NBDY: variants seen among roughly 807,000 people sequenced by gnomAD.
The protein encoded by NBDY is negative regulator of P-body association.
intron 2 of NBDY, among the ~76,000 whole-genome samples, chrX:56,806,617 T>C (rs1476321373): frequency 8.9e-6 from 1 of 112,550 alleles, no homozygotes; most frequent in East Asian, 2.8e-4. Flanking sequence ...AAATGTCTTC[T>C]CTTGAGAAGT....
chrX:56,811,514 C>T (rs1477690478), intron 2 of NBDY, among the ~76,000 whole-genome samples: 1 of 111,895 alleles, frequency 8.9e-6, no homozygotes, highest in Non-Finnish European at 1.9e-5. Context: ...CTGCGGTGGG[C>T]TCCACCCAGT....
At chrX:56,793,741 A>G (rs758029580) in intron 2 of NBDY, among the ~76,000 whole-genome samples, 22 of 110,871 alleles carry the variant, frequency 2.0e-4, no homozygotes, top group Non-Finnish European at 3.8e-4. Flanking sequence ...GCCTGGGCTC[A>G]TTCTTAGGAT....
intron 2 of NBDY, chrX:56,737,427 G>T: frequency 1.5e-6 from 1 of 653,659 alleles, no homozygotes. Flanking sequence ...TTCTCAGGAA[G>T]CCTTCTTATG....
chrX:56,747,822 A>G (rs1485927402), intron 2 of NBDY, among the ~76,000 whole-genome samples: 1 of 111,776 alleles, frequency 8.9e-6, no homozygotes, highest in Non-Finnish European at 1.9e-5. Flanking sequence ...AGCACAGATC[A>G]GTGAATTTGA....
rs1167779864 is a variant in NBDY, at chrX:56,818,816, G to A, written c.*1663G>A. The A allele has an allele frequency of 9.0e-6, 1 of 111,019 alleles. No individual in the cohort carries two copies. Among genetic ancestry groups the A allele is most frequent in the African/African-American group, 3.3e-5 (1 of 30,575 alleles). The allele number at this position is 111,019 out of a possible 1,213,427, so 9.1% of individuals were successfully genotyped here. A position where few individuals can be genotyped will look rare whatever the true frequency, so the allele number is the denominator to read the frequency against. ...AAAGCTACAATAAACAAGTCTATGT[G>A]GTACTGGCATAGGATATAAATATTG... On this transcript the variant is annotated 3_prime_UTR_variant, in exon 3 of 3. Coordinates refer to ENST00000374922, the MANE Select transcript of NBDY (RefSeq NM_001348129.2).
chrX:56,744,174 T>C (rs1189523046), intron 2 of NBDY, among the ~76,000 whole-genome samples: 1 of 111,750 alleles, frequency 8.9e-6, no homozygotes, highest in East Asian at 2.8e-4. Flanking sequence ...TGGTCAAAGA[T>C]GCTTCATATT....
At chrX:56,810,419 C>A (rs144311563) in intron 2 of NBDY, among the ~76,000 whole-genome samples, 29 of 110,656 alleles carry the variant, frequency 2.6e-4, no homozygotes, top group African/African-American at 9.2e-4. Context: ...CCACATAGTC[C>A]CATATTTCTT....
chrX:56,740,957 C>T (rs895697842), intron 2 of NBDY, among the ~76,000 whole-genome samples: 26 of 110,430 alleles, frequency 2.4e-4, no homozygotes, highest in African/African-American at 8.6e-4. Context: ...TTTTTGTATA[C>T]CCGTTAACCA....
chrX:56,802,252 A>G (rs2069827040), intron 2 of NBDY, among the ~76,000 whole-genome samples: 1 of 112,245 alleles, frequency 8.9e-6, no homozygotes, highest in Non-Finnish European at 1.9e-5. Flanking sequence ...GTTATCAGAT[A>G]AGCCCCAGCA....
chrX:56,734,523 C>A lies in NBDY; in HGVS notation c.*166+2324C>A, dbSNP rs1411960121. Among the ~76,000 whole-genome samples, 2 of 112,453 alleles carry A rather than the reference C, an allele frequency of 1.8e-5. 1 individual carries two copies. Among genetic ancestry groups the A allele is most frequent in the African/African-American group, 6.5e-5 (2 of 30,910 alleles). On this transcript the variant is annotated intron_variant, in intron 2 of 2. Transcript: ENST00000374922. The stretch of plus-strand genomic sequence containing the variant: ...AAGATATCAAACATTTTAAACTGTA[C>A]AAAGCAAATTAGCAAGATTTTAATG...
At chrX:56,750,338 G>A (rs1363779163) in intron 2 of NBDY, among the ~76,000 whole-genome samples, 1 of 110,888 alleles carries the variant, frequency 9.0e-6, no homozygotes, top group Non-Finnish European at 1.9e-5. Flanking sequence ...TTACATATCT[G>A]GCCATTGTTT....
chrX:56,785,582 A>G (rs1175781958), intron 2 of NBDY, among the ~76,000 whole-genome samples: 1 of 110,529 alleles, frequency 9.0e-6, no homozygotes, highest in Non-Finnish European at 1.9e-5. Context: ...TGGCTTCCCA[A>G]TATTTGCTGA....
At chrX:56,780,647 G>T (rs1247641117) in intron 2 of NBDY, among the ~76,000 whole-genome samples, 1 of 55,816 alleles carries the variant, frequency 1.8e-5, no homozygotes, top group Non-Finnish European at 3.4e-5. Flanking sequence ...CACGCTGGGG[G>T]TGTGTGAACC....
chrX:56,798,356 GC>G (rs1434961436), intron 2 of NBDY, among the ~76,000 whole-genome samples: 1 of 111,828 alleles, frequency 8.9e-6, no homozygotes, highest in Non-Finnish European at 1.9e-5. Flanking sequence ...CAACGTGGTG[GC>G]CTTTTTGAGT....
At chrX:56,792,934 A>G (rs984977804) in intron 2 of NBDY, among the ~76,000 whole-genome samples, 1 of 111,815 alleles carries the variant, frequency 8.9e-6, no homozygotes, top group African/African-American at 3.3e-5. Flanking sequence ...GTAGGGGCAG[A>G]GAAAGTCCCC....
chrX:56,764,024 GC>G (rs1305256929), intron 2 of NBDY, among the ~76,000 whole-genome samples: 2 of 112,213 alleles, frequency 1.8e-5, no homozygotes, highest in Non-Finnish European at 3.8e-5. Flanking sequence ...GCGGCATGGA[GC>G]CCCCAGGCTG....
intron 2 of NBDY, among the ~76,000 whole-genome samples, chrX:56,767,073 C>A (rs776550643): frequency 8.8e-6 from 1 of 113,684 alleles, no homozygotes; most frequent in Middle Eastern, 4.6e-3. Context: ...AATTCTCCAG[C>A]AAAACCTTGT....
intron 2 of NBDY, among the ~76,000 whole-genome samples, chrX:56,749,732 G>T (rs1195900491): frequency 9.3e-6 from 1 of 107,534 alleles, no homozygotes; most frequent in Admixed American, 1.0e-4. Flanking sequence ...TCTCACTGCA[G>T]CCTCGACCTC....
intron 2 of NBDY, among the ~76,000 whole-genome samples, chrX:56,755,624 TA>T (rs1241967850): frequency 1.8e-5 from 2 of 111,470 alleles, no homozygotes; most frequent in African/African-American, 6.5e-5. Flanking sequence ...TGGAAATCAT[TA>T]AAAAGTCAGG....
Sources: gnomAD v4.1 joint callset for allele counts (sites outside exome capture counted in the v4.1 genomes callset) on GRCh38, gnomAD v4.1.1 for gene constraint, MANE v1.5 for transcripts, NCBI Gene and HGNC (gene_info 2026-07-23, HGNC 2026-07-21) for gene names.